Variants in IGF2R observed in about 807,000 individuals in gnomAD.
IGF2R encodes the protein insulin like growth factor 2 receptor.
A neutral mutation model predicts 270.6 loss-of-function variants in IGF2R; 91 were observed. That is an observed-to-expected ratio of 0.34 (90% CI 0.28 to 0.40). IGF2R has a LOEUF of 0.40. Ranked by LOEUF, IGF2R falls within the 10% of genes least tolerant of loss-of-function variation. The pLI is 1.00. For missense variants in IGF2R, 2,805 were observed against 3,188.3 expected (o/e 0.88, Z 2.90); for synonymous variants, 1,316 against 1,258.9 (o/e 1.05, Z -0.96).
intron 6 of IGF2R, 102 bp from the exon 7 acceptor site, chr6:160,029,448 C>G (rs1313490898): frequency 6.0e-6 from 4 of 662,734 alleles, no homozygotes; most frequent in Non-Finnish European, 1.1e-5. Context: ...CTGTTACCCT[C>G]TCCTCCCCCC....
At chr6:160,009,988 A>AAAT (rs1784308431) in intron 3 of IGF2R, among the ~76,000 whole-genome samples, 2 of 152,242 alleles carry the variant, frequency 1.3e-5, no homozygotes, top group Non-Finnish European at 2.9e-5. Flanking sequence ...TTGAGACCCA[A>AAAT]AAAAGAATCT....
intron 35 of IGF2R, among the ~76,000 whole-genome samples, chr6:160,074,445 G>A (rs965854009): frequency 2.6e-5 from 4 of 152,216 alleles, no homozygotes; most frequent in African/African-American, 9.6e-5. Context: ...TTGGTTTTAT[G>A]CATTAAAAAA....
At chr6:160,089,086 C>T (rs759668863) in intron 42 of IGF2R, 21 bp from the exon 43 acceptor site, 3 of 1,607,960 alleles carry the variant, frequency 1.9e-6, no homozygotes, top group Non-Finnish European at 2.6e-6. Context: ...GTGACTGTAG[C>T]CTGTGCTTCC....
intron 29 of IGF2R, among the ~76,000 whole-genome samples, chr6:160,065,814 G>GTGTGTGTGTGTGTGTGTATATATATA: frequency 2.6e-5 from 2 of 78,388 alleles, no homozygotes; most frequent in Non-Finnish European, 4.7e-5. Flanking sequence ...GTGTGTGTGT[G>GTGTGTGTGTGTGTGTGTATATATATA]TATATATATA....
chr6:159,980,340 G>A (rs1562330821), intron 1 of IGF2R, among the ~76,000 whole-genome samples: 1 of 152,160 alleles, frequency 6.6e-6, no homozygotes, highest in Non-Finnish European at 1.5e-5. Context: ...TCTTCAGGTT[G>A]CCTTTAGGCT....
chr6:160,033,556 G>A (rs1777748181), intron 9 of IGF2R, among the ~76,000 whole-genome samples: 1 of 152,222 alleles, frequency 6.6e-6, no homozygotes. Context: ...CTTCCTAGTA[G>A]ACTTCGGCAA....
At chr6:160,037,676 T>C (rs1271670511) in intron 10 of IGF2R, among the ~76,000 whole-genome samples, 1 of 152,202 alleles carries the variant, frequency 6.6e-6, no homozygotes, top group Non-Finnish European at 1.5e-5. Flanking sequence ...GTTAGATAAT[T>C]TTTTGGAAGA....
In IGF2R at chr6:160,060,629, C is replaced by G. The variant is rs535403714; in HGVS notation, c.3174C>G (p.Ile1058Met). 1 of 1,614,226 alleles carries G rather than the reference C, an allele frequency of 6.2e-7. No homozygotes were observed. The highest frequency in any genetic ancestry group is 8.5e-7 in the Non-Finnish European group (1 of 1,180,032). ...SGPLKFLHQD[I>M]DSGQGIRNTY... is the part of the protein sequence containing the mutation. ...CCCTCAAATTCCTGCATCAAGATAT[C>G]GACTCTGGGCAAGGGATCCGAAACA... The change falls in exon 23 of 48, where the codon ATC (isoleucine) becomes ATG (methionine). Residue 1058 changes from isoleucine (I) to methionine (M), a missense_variant. Transcript: ENST00000356956.
chr6:160,100,422 A>G (rs368116588), intron 45 of IGF2R, among the ~76,000 whole-genome samples: 8 of 152,198 alleles, frequency 5.3e-5, no homozygotes, highest in African/African-American at 1.7e-4. Context: ...TAAAAGGGCT[A>G]ATTTCCTAGG....
Position 160,001,414 on chromosome 6 carries a change from T to A in IGF2R, c.290-7596T>A, listed in dbSNP as rs1784128956. Among the ~76,000 whole-genome samples the A allele has an allele frequency of 2.6e-5, 4 of 152,196 alleles. No homozygotes were observed. The South Asian group carries it at 8.3e-4, about 32-fold the overall frequency. ...CTCGGGGCTTCCACTGATTCTGCACTGTGGTGTGTTGTATAATTATTTCAA... is the reference window on the plus strand; with the variant it reads ...CTCGGGGCTTCCACTGATTCTGCACAGTGGTGTGTTGTATAATTATTTCAA... On this transcript the variant is annotated intron_variant, in intron 2 of 47. Transcript: ENST00000356956.
chr6:159,990,918 A>G (rs557073702), intron 1 of IGF2R, among the ~76,000 whole-genome samples: 10 of 152,328 alleles, frequency 6.6e-5, no homozygotes, highest in Non-Finnish European at 1.3e-4. Flanking sequence ...GTGAGCCACC[A>G]TGCCCAGCCA....
chr6:159,998,520 G>GT lies in IGF2R; in HGVS notation c.289+7198dup, dbSNP rs1229732038. On this transcript the variant is annotated intron_variant, in intron 2 of 47. Transcript: ENST00000356956. The surrounding 1 kb of genome is among the most constrained non-coding windows in gnomAD (Gnocchi z 4.1). ...AAGGTGTTTTTAGGAAGCTGGCCCC[G>GT]TGGAATAGGAAACGATGCCTACAGG... Among the ~76,000 whole-genome samples, 4 of 152,138 alleles carry GT rather than the reference G, an allele frequency of 2.6e-5. No individual in the cohort carries two copies. Among genetic ancestry groups the GT allele is most frequent in the Non-Finnish European group, 5.9e-5 (4 of 68,014 alleles).
rs771590044 is a variant in IGF2R, at chr6:160,073,982, A to G, written c.5166+7A>G. ...TATTGATGGTCCCCCCATAGTAAGT[A>G]TGACAAATCCAAGGGTGGAGATAAT... is the stretch of plus-strand genomic sequence containing the variant. On this transcript the variant is annotated splice_region_variant and intron_variant, in intron 35 of 47. Transcript: ENST00000356956. The G allele has an allele frequency of 1.2e-6, 2 of 1,600,438 alleles. No individual in the cohort carries two copies. Among genetic ancestry groups the G allele is most frequent in the East Asian group, 4.5e-5 (2 of 44,744 alleles).
At chr6:160,030,701 T>C (rs969378729) in intron 7 of IGF2R, among the ~76,000 whole-genome samples, 5 of 152,260 alleles carry the variant, frequency 3.3e-5, no homozygotes, top group African/African-American at 1.2e-4. Context: ...AGAATCATTT[T>C]ACACTGTGAG....
At chr6:159,980,158 G>T (rs1170824165) in intron 1 of IGF2R, among the ~76,000 whole-genome samples, 1 of 143,714 alleles carries the variant, frequency 7.0e-6, no homozygotes, top group East Asian at 2.0e-4. Flanking sequence ...TCCAGCCTGG[G>T]CAACACAGTG....
chr6:160,040,360 TC>T (rs1309892459), intron 10 of IGF2R, among the ~76,000 whole-genome samples, 199 bp from the exon 11 acceptor site: 1 of 152,188 alleles, frequency 6.6e-6, no homozygotes, highest in African/African-American at 2.4e-5. Flanking sequence ...TGGCCTGCCA[TC>T]GAGGACTTAG....
chr6:160,011,064 G>A (rs1201581182), intron 4 of IGF2R, among the ~76,000 whole-genome samples: 1 of 152,142 alleles, frequency 6.6e-6, no homozygotes, highest in Non-Finnish European at 1.5e-5. Context: ...CTGGTGCTGT[G>A]CAACTCAGTA....
chr6:160,008,527 C>G (rs1342224833), intron 2 of IGF2R, among the ~76,000 whole-genome samples: 3 of 152,104 alleles, frequency 2.0e-5, no homozygotes, highest in Non-Finnish European at 4.4e-5. Flanking sequence ...ACTTGTGGGC[C>G]TTTCTAGAGA....
At chr6:159,987,191 G>A (rs114973688) in intron 1 of IGF2R, among the ~76,000 whole-genome samples, 2,190 of 152,170 alleles carry the variant, frequency 0.014, 68 homozygotes, top group African/African-American at 0.049. Flanking sequence ...CTTGTTGTCA[G>A]TTATTTATAC....
Sources: gnomAD v4.1 joint callset for allele counts (sites outside exome capture counted in the v4.1 genomes callset) on GRCh38, gnomAD v4.1.1 for gene constraint, Gnocchi (gnomAD v3.1) non-coding constraint, MANE v1.5 for transcripts, NCBI Gene and HGNC (gene_info 2026-07-23, HGNC 2026-07-21) for gene names.